Variants in PPP1R42 observed in about 807,000 individuals in gnomAD.
The protein encoded by PPP1R42 is leucine rich repeat containing 67.
A neutral mutation model predicts 31.0 loss-of-function variants in PPP1R42; 34 were observed. The ratio of observed to expected loss-of-function variants is 1.10; its 90% confidence interval spans 0.83 to 1.46. PPP1R42 has a LOEUF of 1.46. Among genes scored for constraint, PPP1R42 ranks in the 40% most tolerant of loss-of-function variants. The probability of loss-of-function intolerance (pLI) is 0.00; values close to 1 mark genes in which losing one functional copy is unlikely to be tolerated. For missense variants in PPP1R42, 268 were observed against 303.0 expected (o/e 0.88, Z 0.86); for synonymous variants, 103 against 109.8 (o/e 0.94, Z 0.39).
intron 6 of PPP1R42, chr8:66,984,453 C>T: frequency 7.8e-7 from 1 of 1,284,078 alleles, no homozygotes; most frequent in Non-Finnish European, 1.1e-6. Context: ...CGTTGACACC[C>T]TTGTGCAGTA....
chr8:66,997,631 C>T (rs1488867189), intron 5 of PPP1R42, among the ~76,000 whole-genome samples: 2 of 150,904 alleles, frequency 1.3e-5, no homozygotes, highest in Admixed American at 6.6e-5. Context: ...AATGTAGCCA[C>T]GACCTCCAGG....
intron 7 of PPP1R42, among the ~76,000 whole-genome samples, chr8:66,972,987 C>G (rs1332538987): frequency 6.6e-6 from 1 of 152,188 alleles, no homozygotes; most frequent in Non-Finnish European, 1.5e-5. Context: ...TGAAACTGAA[C>G]TTTCTCATCT....
intron 5 of PPP1R42, among the ~76,000 whole-genome samples, chr8:66,999,570 G>A (rs1187855644): frequency 6.6e-6 from 1 of 152,098 alleles, no homozygotes; most frequent in African/African-American, 2.4e-5. Context: ...CCTGGGTTTT[G>A]AACTCCTGAG....
intron 4 of PPP1R42, among the ~76,000 whole-genome samples, chr8:67,012,463 C>G (rs1815871278): frequency 2.6e-5 from 4 of 152,062 alleles, no homozygotes; most frequent in Admixed American, 1.3e-4. Flanking sequence ...CCCAGGGCTC[C>G]CAGGCCTACA....
intron 6 of PPP1R42, chr8:66,984,023 G>T: frequency 1.8e-6 from 2 of 1,121,984 alleles, no homozygotes; most frequent in South Asian, 2.6e-5. Context: ...CCCAATGTCT[G>T]CTTGGCACAG....
At chr8:66,985,036 T>C (rs2130927505) in intron 6 of PPP1R42, 2 of 1,468,950 alleles carry the variant, frequency 1.4e-6, no homozygotes, top group Non-Finnish European at 1.9e-6. Flanking sequence ...GTTAAAGCCA[T>C]TGGGGATTAT....
chr8:66,984,446 T>C, intron 6 of PPP1R42: 1 of 1,285,428 alleles, frequency 7.8e-7, no homozygotes, highest in Non-Finnish European at 1.1e-6. Flanking sequence ...ACTACCACGT[T>C]GACACCCTTG....
chr8:67,006,352 G>C (rs76540776), intron 5 of PPP1R42, among the ~76,000 whole-genome samples: 1 of 152,108 alleles, frequency 6.6e-6, no homozygotes, highest in Non-Finnish European at 1.5e-5. Context: ...GTCTCACTCT[G>C]TTATCCAGTC....
At position 66,979,726 on chromosome 8, in the gene PPP1R42, AT is replaced by A. The variant is rs1429188922; in HGVS notation, c.802+2322del. 3.3e-5 allele frequency among the ~76,000 whole-genome samples: 5 copies of A among 151,118 alleles called. 1 individual carries two copies. In the South Asian group the frequency reaches 8.4e-4, roughly 25 times the overall value. On this transcript the variant is annotated intron_variant, in intron 7 of 7. Coordinates refer to ENST00000685739, the MANE Select transcript of PPP1R42 (RefSeq NM_001364910.1). Reference sequence around the variant, plus strand: ...ATTGGGGTTCCACACACATTTTAGGATTTTTTTTCTATTTCTGTGAAAAATG... The same window carrying A: ...ATTGGGGTTCCACACACATTTTAGGATTTTTTTCTATTTCTGTGAAAAATG...
At chr8:67,008,707 CAAAA>C (rs764674038) in intron 5 of PPP1R42, among the ~76,000 whole-genome samples, 1 of 72,286 alleles carries the variant, frequency 1.4e-5, no homozygotes. Flanking sequence ...GACTCTGTCT[CAAAA>C]AAAAAAAAAA....
chr8:66,977,021 T>TTTTTG (rs1234318972), intron 7 of PPP1R42, among the ~76,000 whole-genome samples: 1 of 151,786 alleles, frequency 6.6e-6, no homozygotes, highest in African/African-American at 2.4e-5. Context: ...TATTTGTAGG[T>TTTTTG]TTTTGTTTTG....
At chr8:66,969,884 A>T (rs1814494694) in intron 7 of PPP1R42, among the ~76,000 whole-genome samples, 1 of 152,206 alleles carries the variant, frequency 6.6e-6, no homozygotes, top group African/African-American at 2.4e-5. Flanking sequence ...CAATCATTGT[A>T]TTGATTATAA....
chr8:67,022,699 G>A (rs1816259307), intron 1 of PPP1R42, among the ~76,000 whole-genome samples: 1 of 152,018 alleles, frequency 6.6e-6, no homozygotes, highest in Admixed American at 6.6e-5. Flanking sequence ...TACTGTGTAG[G>A]AAGTGAGATA....
At position 67,005,000 on chromosome 8, in the gene PPP1R42, G is replaced by A. The variant is rs537358747; in HGVS notation, c.552+5715C>T. On this transcript the variant is annotated intron_variant, in intron 5 of 7. Transcript: ENST00000685739. ...ACCAACTTTTGCCCAGCGTTTTAAA[G>A]CCATGTAGGCAGGGTTTTGAGAGTA... Among the ~76,000 whole-genome samples the A allele has an allele frequency of 3.3e-5, 5 of 152,124 alleles. No homozygotes were observed. The East Asian group carries it at 9.6e-4, about 29-fold the overall frequency.
Position 67,018,475 on chromosome 8 carries a change from G to A in PPP1R42, c.-84-644C>T, listed in dbSNP as rs545195971. Among the ~76,000 whole-genome samples the A allele has an allele frequency of 1.1e-4, 16 of 151,280 alleles. No homozygotes were observed. In the South Asian group the frequency reaches 3.3e-3, roughly 32 times the overall value. On this transcript the variant is annotated intron_variant, in intron 1 of 7. Coordinates refer to ENST00000685739, the MANE Select transcript of PPP1R42 (RefSeq NM_001364910.1). The stretch of plus-strand genomic sequence containing the variant: ...TATGGTTCCCAGGCTGGCGTGTAGT[G>A]GCTATTCACAGGCATGTAGGCATGA...
At chr8:66,991,214 G>T (rs1326035706) in intron 5 of PPP1R42, among the ~76,000 whole-genome samples, 1 of 151,810 alleles carries the variant, frequency 6.6e-6, no homozygotes, top group African/African-American at 2.4e-5. Flanking sequence ...ATACATTTTT[G>T]GAGCCATGAT....
At chr8:66,993,108 C>T (rs558490801) in intron 5 of PPP1R42, among the ~76,000 whole-genome samples, 1 of 152,266 alleles carries the variant, frequency 6.6e-6, no homozygotes, top group South Asian at 2.1e-4. Context: ...GCAAGAAGCC[C>T]AGGAATCACT....
In PPP1R42 at chr8:67,017,627, C is replaced by G; in HGVS notation, c.121G>C (p.Asp41His). The G allele has an allele frequency of 6.7e-7, 1 of 1,484,622 alleles. No homozygotes were observed. Among genetic ancestry groups the G allele is most frequent in the African/African-American group, 1.4e-5 (1 of 71,196 alleles). 92.0% of individuals were successfully genotyped at this position (1,484,622 alleles called of 1,614,324 possible). A position where few individuals can be genotyped will look rare whatever the true frequency, so the allele number is the denominator to read the frequency against. Residue 41 changes from aspartate (D) to histidine (H), a missense_variant, in exon 2 of 8, where the codon GAT becomes CAT. Asp to His is a moderately conservative substitution (Grantham distance 81). Coordinates refer to ENST00000685739, the MANE Select transcript of PPP1R42 (RefSeq NM_001364910.1). ...AATTTCAAAGTTCTTACAATTGCAT[C>G]TATATTTTTGTCTGAAAAATTTATA... is the stretch of plus-strand genomic sequence containing the variant. ...THINFSDKNIDAIEDLSLCKN... is the reference protein window; with the variant it reads ...THINFSDKNIHAIEDLSLCKN...
chr8:67,001,900 T>A (rs1392910945), intron 5 of PPP1R42, among the ~76,000 whole-genome samples: 2 of 152,252 alleles, frequency 1.3e-5, no homozygotes, highest in Non-Finnish European at 2.9e-5. Flanking sequence ...AAATTTAGGC[T>A]GCAGTGAGCT....
Sources: gnomAD v4.1 joint callset for allele counts (sites outside exome capture counted in the v4.1 genomes callset) on GRCh38, gnomAD v4.1.1 for gene constraint, MANE v1.5 for transcripts, NCBI Gene and HGNC (gene_info 2026-07-23, HGNC 2026-07-21) for gene names.